HERC4: variants seen among roughly 807,000 people sequenced by gnomAD.
The protein encoded by HERC4 is HECT and RLD domain containing E3 ubiquitin protein ligase 4.
HERC4 carries 28 observed loss-of-function variants against 124.3 expected under a neutral mutation model. The observed-to-expected ratio is 0.23, with a 90% CI of 0.17 to 0.31. The LOEUF is 0.31. Ranked by LOEUF, HERC4 falls within the 10% of genes least tolerant of loss-of-function variation. The pLI is 1.00. For synonymous variants in HERC4, 407 were observed against 421.5 expected (o/e 0.97, Z 0.42); for missense variants, 713 against 1,229.3 (o/e 0.58, Z 6.28).
Position 68,010,947 on chromosome 10 carries a change from T to A in HERC4, c.1069+3079A>T, listed in dbSNP as rs965713754. ...CACATTTTCAGGCTTTAGTTCTAGT[T>A]CTCTTGTTATTTCCACCATATCTAT... On this transcript the variant is annotated intron_variant, in intron 9 of 24. Transcript: ENST00000373700. 4 of 1,052,372 alleles carry A rather than the reference T, an allele frequency of 3.8e-6. No individual in the cohort carries two copies. The African/African-American group carries it at 6.3e-5, about 17-fold the overall frequency. The allele number at this position is 1,052,372 out of a possible 1,614,324, so 65.2% of individuals were successfully genotyped here.
chr10:67,939,773 C>A (rs2032713225), intron 20 of HERC4, 119 bp from the exon 21 acceptor site: 1 of 461,098 alleles, frequency 2.2e-6, no homozygotes, highest in South Asian at 6.8e-5. Context: ...ATCCTTTTGT[C>A]AATTTGTAAT....
chr10:68,065,485 G>A (rs960090184), intron 3 of HERC4, among the ~76,000 whole-genome samples: 4 of 152,046 alleles, frequency 2.6e-5, no homozygotes, highest in African/African-American at 9.7e-5. Flanking sequence ...TGCTAGAAAT[G>A]AACACAAAAG....
At chr10:68,054,589 C>A (rs2040464570) in intron 3 of HERC4, among the ~76,000 whole-genome samples, 1 of 152,048 alleles carries the variant, frequency 6.6e-6, no homozygotes, top group Non-Finnish European at 1.5e-5. Flanking sequence ...AGTGATCCAC[C>A]CACCTCAGCC....
At chr10:68,017,279 G>T (rs1310998034) in intron 8 of HERC4, among the ~76,000 whole-genome samples, 1 of 152,150 alleles carries the variant, frequency 6.6e-6, no homozygotes, top group East Asian at 1.9e-4. Flanking sequence ...CACAGCCTGA[G>T]CAAAGTCACC....
At chr10:67,985,587 G>C (rs1320493394) in intron 15 of HERC4, among the ~76,000 whole-genome samples, 1 of 152,178 alleles carries the variant, frequency 6.6e-6, no homozygotes, top group Non-Finnish European at 1.5e-5. Flanking sequence ...ATTTAGATCA[G>C]CACAAATATG....
intron 9 of HERC4, chr10:68,010,194 G>T: frequency 1.9e-6 from 2 of 1,065,866 alleles, no homozygotes; most frequent in South Asian, 2.6e-5. Context: ...TTCCTAGAAG[G>T]GCAGGCACCT....
At chr10:68,000,408 A>C (rs660640) in intron 9 of HERC4, among the ~76,000 whole-genome samples, 298 of 152,134 alleles carry the variant, frequency 2.0e-3, no homozygotes, top group Non-Finnish European at 3.5e-3. Context: ...TAAAACCCCA[A>C]CTCTACAAAA....
intron 9 of HERC4, among the ~76,000 whole-genome samples, chr10:68,000,149 C>A (rs2132917548): frequency 6.6e-6 from 1 of 152,204 alleles, no homozygotes; most frequent in African/African-American, 2.4e-5. Flanking sequence ...GAAGCCATCA[C>A]ACCAGCCAAT....
chr10:67,942,591 A>G (rs2033005769), intron 19 of HERC4, among the ~76,000 whole-genome samples: 1 of 152,086 alleles, frequency 6.6e-6, no homozygotes, highest in Non-Finnish European at 1.5e-5. Context: ...GGCTCACGGC[A>G]ACCTCCACCT....
At chr10:68,010,344 C>A (rs1466674671) in intron 9 of HERC4, 4 of 942,290 alleles carry the variant, frequency 4.2e-6, no homozygotes, top group Admixed American at 2.0e-5. Flanking sequence ...AAAATGGGGC[C>A]CTGAGGCCAT....
intron 23 of HERC4, among the ~76,000 whole-genome samples, chr10:67,930,553 T>C (rs2031684568): frequency 6.6e-6 from 1 of 152,250 alleles, no homozygotes; most frequent in East Asian, 1.9e-4. Context: ...ATGTTCCTGA[T>C]GCTTTGCACC....
chr10:68,065,851 A>G (rs1162574840), intron 3 of HERC4, among the ~76,000 whole-genome samples: 2 of 152,122 alleles, frequency 1.3e-5, no homozygotes, highest in African/African-American at 4.8e-5. Context: ...GATCCTGTCT[A>G]AAAAAACAAA....
chr10:68,038,782 T>C (rs1413228713), intron 4 of HERC4, among the ~76,000 whole-genome samples: 3 of 152,208 alleles, frequency 2.0e-5, no homozygotes, highest in African/African-American at 7.2e-5. Context: ...ATATGTTAAG[T>C]CTTATTTTCT....
At position 67,954,600 on chromosome 10, in the gene HERC4, C is replaced by T; in HGVS notation, c.2332G>A (p.Asp778Asn). 1 of 1,611,110 alleles carries T rather than the reference C, an allele frequency of 6.2e-7. No individual in the cohort carries two copies. The highest frequency in any genetic ancestry group is 8.5e-7 in the Non-Finnish European group (1 of 1,178,174). ...TAGATGGTTGGACATTTTACCTTAT[C>T]AGAAAACCAAATGAGCCTGGAATCT... ...YEDSRLIWFS[D>N]KTFEDSDLFH... The change falls in exon 19 of 25, where the codon GAT (aspartate) becomes AAT (asparagine). Residue 778 changes from aspartate (D) to asparagine (N), a missense_variant. Asp to Asn is a conservative substitution (Grantham distance 23). Coordinates refer to ENST00000373700, the MANE Select transcript of HERC4 (RefSeq NM_015601.4).
At chr10:67,973,127 AT>A (rs1366951208) in intron 15 of HERC4, among the ~76,000 whole-genome samples, 3 of 152,304 alleles carry the variant, frequency 2.0e-5, no homozygotes, top group African/African-American at 7.2e-5. Flanking sequence ...TTTTAATTAT[AT>A]TTGTTTTCAA....
chr10:67,981,972 A>G (rs2035959452), intron 15 of HERC4, among the ~76,000 whole-genome samples: 2 of 152,164 alleles, frequency 1.3e-5, no homozygotes, highest in Admixed American at 1.3e-4. Flanking sequence ...ACTATCAAAG[A>G]AATTGAAGAG....
chr10:67,945,335 A>G (rs1430197034), intron 19 of HERC4, among the ~76,000 whole-genome samples: 1 of 152,214 alleles, frequency 6.6e-6, no homozygotes, highest in Non-Finnish European at 1.5e-5. Flanking sequence ...TTATCCTAGA[A>G]TAGTATGTAT....
At chr10:68,054,489 G>A (rs1237470320) in intron 3 of HERC4, among the ~76,000 whole-genome samples, 1 of 151,340 alleles carries the variant, frequency 6.6e-6, no homozygotes, top group Non-Finnish European at 1.5e-5. Flanking sequence ...ACGCCCAGCC[G>A]GCACCACCAT....
In HERC4 at chr10:67,928,306, G is replaced by T. The variant is rs1472384117; in HGVS notation, c.2839-3119C>A. 6.6e-5 allele frequency among the ~76,000 whole-genome samples: 10 copies of T among 152,132 alleles called. No homozygotes were observed. The East Asian group carries it at 1.9e-3, about 29-fold the overall frequency. The stretch of plus-strand genomic sequence containing the variant: ...AGAGGTGGAGTCCATTTCCACTGGG[G>T]GACCCCTTAGAGTTAGTATCTACAG... On this transcript the variant is annotated intron_variant, in intron 23 of 24. Coordinates refer to ENST00000373700, the MANE Select transcript of HERC4 (RefSeq NM_015601.4).
Sources: gnomAD v4.1 joint callset for allele counts (sites outside exome capture counted in the v4.1 genomes callset) on GRCh38, gnomAD v4.1.1 for gene constraint, MANE v1.5 for transcripts, NCBI Gene and HGNC (gene_info 2026-07-23, HGNC 2026-07-21) for gene names.